The following GNAI1 variants were observed in gnomAD, a reference collection of about 807,000 sequenced individuals.
GNAI1 encodes the protein G protein subunit alpha i1.
Under a neutral mutation model 38.9 loss-of-function variants are expected in GNAI1, and 11 were observed. The observed-to-expected ratio is 0.28, with a 90% CI of 0.18 to 0.47. The LOEUF is 0.47. Ranked by LOEUF, GNAI1 falls within the 20% of genes least tolerant of loss-of-function variation. GNAI1 has a pLI of 0.99. For missense variants in GNAI1, 317 were observed against 436.9 expected, an observed-to-expected ratio of 0.73 and a Z score of 2.45; for synonymous variants, 166 against 145.1, an observed-to-expected ratio of 1.14 and a Z score of -1.04.
rs975095269 is a variant in GNAI1 at position 80,152,561 on chromosome 7, T to A, written c.118+17283T>A. On this transcript the variant is annotated intron_variant, in intron 1 of 7. Coordinates refer to ENST00000649796, the MANE Select transcript of GNAI1 (RefSeq NM_002069.6). ...GGGGGTAGATTCGGTCTCAATTCTT[T>A]TTTTTTTTTTTTTTTTTTTGAAACG... Among the ~76,000 whole-genome samples the A allele has an allele frequency of 5.5e-5, 8 of 144,176 alleles. No homozygotes were observed. The Admixed American group carries it at 5.6e-4, about 10-fold the overall frequency. The allele number at this position is 144,176 out of a possible 152,430, so 94.6% of individuals were successfully genotyped here.
intron 5 of GNAI1, among the ~76,000 whole-genome samples, chr7:80,206,045 A>G (rs1202837495): frequency 6.6e-6 from 1 of 152,094 alleles, no homozygotes; most frequent in East Asian, 1.9e-4. Context: ...AAGAAGTCTC[A>G]CTGTTAGAAG....
chr7:80,181,527 G>A (rs1233914511), intron 1 of GNAI1, among the ~76,000 whole-genome samples: 2 of 152,172 alleles, frequency 1.3e-5, no homozygotes, highest in Admixed American at 1.3e-4. Flanking sequence ...GAGTGGGTGT[G>A]TAGATTCAAA....
intron 1 of GNAI1, among the ~76,000 whole-genome samples, chr7:80,174,917 GTAT>G (rs1478672602): frequency 1.3e-5 from 2 of 152,112 alleles, no homozygotes; most frequent in African/African-American, 2.4e-5. Context: ...GAAGCAAAAA[GTAT>G]TATTATTTTC....
chr7:80,190,819 A>G (rs963820433), intron 3 of GNAI1, among the ~76,000 whole-genome samples: 4 of 152,284 alleles, frequency 2.6e-5, no homozygotes, highest in African/African-American at 7.2e-5. Context: ...TGAAGGGTCA[A>G]TACAAACAGT....
intron 1 of GNAI1, chr7:80,135,793 C>T: frequency 3.0e-6 from 3 of 985,812 alleles, no homozygotes; most frequent in Non-Finnish European, 3.6e-6. Flanking sequence ...TGAGATGGGG[C>T]TGAAGCGTCT....
In GNAI1 at chr7:80,198,083, G is replaced by GT. The variant is rs1220420452; in HGVS notation, c.304-1132dup. ...GGGTTTTTTGTTTGTTTATTGTTTT[G>GT]TTTTTTTTTTAATTGTGTTATTACT... On this transcript the variant is annotated intron_variant, in intron 3 of 7. Transcript: ENST00000649796. Among the ~76,000 whole-genome samples, 430 of 146,180 alleles carry GT rather than the reference G, an allele frequency of 2.9e-3. 1 individual carries two copies. The highest frequency in any genetic ancestry group is 8.9e-3 in the African/African-American group (354 of 39,914).
intron 1 of GNAI1, 185 bp downstream of exon 1, chr7:80,135,463 C>T (rs1787393591): frequency 2.4e-6 from 1 of 419,496 alleles, no homozygotes; most frequent in African/African-American, 2.1e-5. Context: ...GGTCTCTCTC[C>T]GCCCCGGCGG....
At chr7:80,153,217 A>G (rs971229444) in intron 1 of GNAI1, among the ~76,000 whole-genome samples, 3 of 152,126 alleles carry the variant, frequency 2.0e-5, no homozygotes, top group Non-Finnish European at 4.4e-5. Context: ...TTGTCATGTC[A>G]TAGATAGTCT....
chr7:80,174,067 T>G (rs1788141807), intron 1 of GNAI1, among the ~76,000 whole-genome samples: 1 of 152,128 alleles, frequency 6.6e-6, no homozygotes, highest in Admixed American at 6.5e-5. Flanking sequence ...GTAATTTGCT[T>G]CGACTAGGAG....
At chr7:80,172,664 G>A (rs1788116776) in intron 1 of GNAI1, among the ~76,000 whole-genome samples, 1 of 152,090 alleles carries the variant, frequency 6.6e-6, no homozygotes, top group Admixed American at 6.6e-5. Context: ...CAACGTGAAT[G>A]AAGAATCCTT....
At chr7:80,176,936 CAAAAA>C (rs374205117) in intron 1 of GNAI1, among the ~76,000 whole-genome samples, 15 of 71,258 alleles carry the variant, frequency 2.1e-4, no homozygotes, top group Admixed American at 2.0e-4. Flanking sequence ...GACTCTGTCT[CAAAAA>C]AAAAAAAAAA....
chr7:80,146,498 G>A (rs78377758), intron 1 of GNAI1, among the ~76,000 whole-genome samples: 9,039 of 152,162 alleles, frequency 0.059, 421 homozygotes, highest in Non-Finnish European at 0.089. Flanking sequence ...TATTCCTACT[G>A]TATGTCCTTG....
chr7:80,187,966 T>G (rs2115628378), intron 1 of GNAI1, among the ~76,000 whole-genome samples: 1 of 152,324 alleles, frequency 6.6e-6, no homozygotes, highest in Non-Finnish European at 1.5e-5. Flanking sequence ...TAGGGTAGCA[T>G]AGCACTAGGA....
In GNAI1 at chr7:80,135,420, G is replaced by A. The variant is rs1163459260; in HGVS notation, c.118+142G>A. 6.2e-6 allele frequency: 3 copies of A among 480,340 alleles called. No individual in the cohort carries two copies. In the East Asian group the frequency reaches 1.1e-4, roughly 17 times the overall value. The allele number at this position is 480,340 out of a possible 1,614,324, so 29.8% of individuals were successfully genotyped here. On this transcript the variant is annotated intron_variant, in intron 1 of 7. Coordinates refer to ENST00000649796, the MANE Select transcript of GNAI1 (RefSeq NM_002069.6). ...GAGCGGGAGCTGGGTCCGGCGGTGC[G>A]GAGGCAAGGCGGGTCCCCCTCTCCC... is the stretch of plus-strand genomic sequence containing the variant.
intron 1 of GNAI1, among the ~76,000 whole-genome samples, chr7:80,140,772 A>G (rs1356715314): frequency 6.6e-6 from 1 of 152,236 alleles, no homozygotes; most frequent in African/African-American, 2.4e-5. Context: ...AAACGTAGTG[A>G]CAACACAAAA....
Position 80,225,314 on chromosome 7 carries a change from C to T in GNAI1, c.*7821C>T, listed in dbSNP as rs1187502899. 2.0e-5 allele frequency among the ~76,000 whole-genome samples: 3 copies of T among 152,120 alleles called. No homozygotes were observed. The highest frequency in any genetic ancestry group is 4.4e-5 in the Non-Finnish European group (3 of 68,020). ...AAACAGGGTTTTGAAATTAGCAGCTCTCTTTATTTTTAGTTCCAATACATG... is the reference window on the plus strand; with the variant it reads ...AAACAGGGTTTTGAAATTAGCAGCTTTCTTTATTTTTAGTTCCAATACATG... On this transcript the variant is annotated 3_prime_UTR_variant, in exon 8 of 8. Coordinates refer to ENST00000649796, the MANE Select transcript of GNAI1 (RefSeq NM_002069.6).
Position 80,225,464 on chromosome 7 carries a change from T to A in GNAI1, c.*7971T>A, listed in dbSNP as rs999810016. Reference sequence around the variant, plus strand: ...TTTTTAATGTTGTTATTGTGTTGTGTTTTGTTTTTTTAATATGTTTCAATT... The same window carrying A: ...TTTTTAATGTTGTTATTGTGTTGTGATTTGTTTTTTTAATATGTTTCAATT... On this transcript the variant is annotated 3_prime_UTR_variant, in exon 8 of 8. Transcript: ENST00000649796. Among the ~76,000 whole-genome samples the A allele has an allele frequency of 6.6e-6, 1 of 152,044 alleles. No homozygotes were observed. Among genetic ancestry groups the A allele is most frequent in the Non-Finnish European group, 1.5e-5 (1 of 68,010 alleles).
chr7:80,138,721 C>G (rs1017093252), intron 1 of GNAI1, among the ~76,000 whole-genome samples: 1 of 152,154 alleles, frequency 6.6e-6, no homozygotes, highest in Admixed American at 6.5e-5. Context: ...AATTTATTTT[C>G]TGTTCCAAAG....
At chr7:80,214,387 A>G (rs1192871649) in intron 7 of GNAI1, among the ~76,000 whole-genome samples, 1 of 152,116 alleles carries the variant, frequency 6.6e-6, no homozygotes, top group Non-Finnish European at 1.5e-5. Context: ...TGATGTAGCC[A>G]TTTTGTACTA....
Sources: allele counts gnomAD v4.1 joint callset (sites outside exome capture counted in the v4.1 genomes callset), GRCh38; gene constraint gnomAD v4.1.1; transcripts MANE v1.5; gene names NCBI Gene and HGNC (gene_info 2026-07-23, HGNC 2026-07-21).